LRCH3: variants seen among roughly 807,000 people sequenced by gnomAD.
LRCH3 encodes leucine rich repeats and calponin homology domain containing 3, also known as DISP complex protein LRCH3.
A neutral mutation model predicts 104.5 loss-of-function variants in LRCH3; 68 were observed. The ratio of observed to expected loss-of-function variants is 0.65; its 90% CI spans 0.54 to 0.80. The LOEUF is 0.80. LRCH3 is among the 30% of genes least tolerant of loss of function. The pLI is 0.00. For synonymous variants in LRCH3, 344 were observed against 361.3 expected (o/e 0.95, Z 0.54); for missense variants, 951 against 953.9 (o/e 1.00, Z 0.04).
At position 197,829,665 on chromosome 3, in the gene LRCH3, TG is replaced by T; in HGVS notation, c.881del (p.Gly294AlafsTer46). 1 of 1,608,026 alleles carries T rather than the reference TG, an allele frequency of 6.2e-7. No individual in the cohort carries two copies. Among genetic ancestry groups the T allele is most frequent in the Non-Finnish European group, 8.5e-7 (1 of 1,176,032 alleles). On this transcript the variant is annotated frameshift_variant, in exon 6 of 21. Transcript: ENST00000425562. LOFTEE classifies it high-confidence loss of function. Reference protein sequence around the residue: ...PDYDRRPLGFGSCHEELYSSR... With the variant: ...PDYDRRPLGFXSCHEELYSSR... ...ATTATGATAGGAGACCGTTGGGTTT[TG>T]GCTCCTGGTAAGTATATTCTGTCCC... is the stretch of plus-strand genomic sequence containing the variant.
At position 197,856,570 on chromosome 3, in the gene LRCH3, A is replaced by G. The variant is rs1489004183; in HGVS notation, c.1644+2125A>G. Among the ~76,000 whole-genome samples the G allele has an allele frequency of 3.3e-5, 5 of 151,948 alleles. No homozygotes were observed. In the East Asian group the frequency reaches 7.7e-4, roughly 24 times the overall value. On this transcript the variant is annotated intron_variant, in intron 14 of 20. Transcript: ENST00000425562. This position sits in a 1 kb window ranked among gnomAD's most constrained non-coding sequence, Gnocchi z 4.2. Reference sequence around the variant, plus strand: ...GTGGCTAATTTTTTTATTTTTTTGTAGAGTCAGGGTCTCACTGTGTTGCCC... The same window carrying G: ...GTGGCTAATTTTTTTATTTTTTTGTGGAGTCAGGGTCTCACTGTGTTGCCC...
intron 3 of LRCH3, among the ~76,000 whole-genome samples, chr3:197,819,920 C>T (rs540787668): frequency 9.9e-5 from 15 of 152,156 alleles, no homozygotes; most frequent in African/African-American, 3.6e-4. Flanking sequence ...ATGTTGCCCA[C>T]GCTGGTCTGA....
At chr3:197,802,077 A>T (rs1489911120) in intron 1 of LRCH3, among the ~76,000 whole-genome samples, 1 of 152,180 alleles carries the variant, frequency 6.6e-6, no homozygotes, top group Non-Finnish European at 1.5e-5. Flanking sequence ...TCGTGCTTCC[A>T]GTTTCTCAGA....
chr3:197,813,634 G>A (rs540663541), intron 1 of LRCH3, among the ~76,000 whole-genome samples: 7 of 134,932 alleles, frequency 5.2e-5, no homozygotes, highest in East Asian at 4.9e-4. Flanking sequence ...AGGTTCAAGC[G>A]ATTCTCCTGC....
At chr3:197,875,309 A>G (rs192681634) in intron 19 of LRCH3, among the ~76,000 whole-genome samples, 152 of 152,332 alleles carry the variant, frequency 1.0e-3, no homozygotes, top group African/African-American at 3.5e-3. Context: ...CCCCTAGTCT[A>G]CAGCATTGAG....
At chr3:197,828,408 C>G (rs985600039) in intron 5 of LRCH3, among the ~76,000 whole-genome samples, 2 of 151,940 alleles carry the variant, frequency 1.3e-5, no homozygotes, top group Non-Finnish European at 2.9e-5. Flanking sequence ...TGCAGTGGCG[C>G]GATCTCGGCT....
At chr3:197,841,659 G>A (rs766332607) in intron 10 of LRCH3, among the ~76,000 whole-genome samples, 1 of 152,072 alleles carries the variant, frequency 6.6e-6, no homozygotes, top group Non-Finnish European at 1.5e-5. Context: ...ACTTCTTTTT[G>A]AAGGTCTGTG....
chr3:197,862,229 C>G (rs926700528), intron 15 of LRCH3, among the ~76,000 whole-genome samples: 1 of 152,212 alleles, frequency 6.6e-6, no homozygotes, highest in South Asian at 2.1e-4. Flanking sequence ...CTCCTGACCT[C>G]AGGCAATCTG....
chr3:197,854,881 C>T lies in LRCH3; in HGVS notation c.1644+436C>T, dbSNP rs1165625593. On this transcript the variant is annotated intron_variant, in intron 14 of 20. Coordinates refer to ENST00000425562, the MANE Select transcript of LRCH3 (RefSeq NM_001365715.1). This position sits in a 1 kb window ranked among gnomAD's most constrained non-coding sequence, Gnocchi z 4.5. The stretch of plus-strand genomic sequence containing the variant: ...ATTTTCAGCTACTGAAAATCCTTCA[C>T]TTTGGTTTTAAATACTTACAGCTCA... 6.6e-6 allele frequency among the ~76,000 whole-genome samples: 1 copy of T among 152,180 alleles called. No homozygotes were observed. The highest frequency in any genetic ancestry group is 2.4e-5 in the African/African-American group (1 of 41,438).
chr3:197,880,432 T>A (rs1276838020), intron 20 of LRCH3: 2 of 1,058,416 alleles, frequency 1.9e-6, no homozygotes, highest in Non-Finnish European at 2.8e-6. Context: ...GATGATCATA[T>A]GAATTCTATA....
intron 17 of LRCH3, among the ~76,000 whole-genome samples, 189 bp downstream of exon 17, chr3:197,866,408 A>G (rs1343630983): frequency 6.6e-6 from 1 of 152,234 alleles, no homozygotes; most frequent in East Asian, 1.9e-4. Context: ...TGGATGAGAA[A>G]GTTTCTTAGT....
intron 1 of LRCH3, among the ~76,000 whole-genome samples, chr3:197,794,758 A>G (rs1460972919): frequency 1.3e-5 from 2 of 152,240 alleles, no homozygotes; most frequent in Non-Finnish European, 2.9e-5. Context: ...TAATCCCAGC[A>G]CTTTGGGAGG....
At chr3:197,807,423 G>T (rs570259693) in intron 1 of LRCH3, among the ~76,000 whole-genome samples, 1 of 151,786 alleles carries the variant, frequency 6.6e-6, no homozygotes, top group Non-Finnish European at 1.5e-5. Flanking sequence ...GGGTTTCACC[G>T]GGTTAGCCAG....
In LRCH3 at chr3:197,854,403, A is replaced by G; in HGVS notation, c.1602A>G (p.Pro534=). The change falls in exon 14 of 21, where the codon CCA becomes CCG. Residue 534 remains proline, a synonymous_variant. Coordinates refer to ENST00000425562, the MANE Select transcript of LRCH3 (RefSeq NM_001365715.1). This position sits in a 1 kb window ranked among gnomAD's most constrained non-coding sequence, Gnocchi z 4.5. ...CTCCATCTCTCCAGTGCCCCTTCCC[A>G]TCCAGAAGGTCTCAGCACACTGATG... is the stretch of plus-strand genomic sequence containing the variant. ...LDGVDGECPF[P]SRRSQHTDDS... is the part of the protein sequence containing the mutation. The G allele has an allele frequency of 6.2e-7, 1 of 1,614,088 alleles. No individual in the cohort carries two copies. The highest frequency in any genetic ancestry group is 8.5e-7 in the Non-Finnish European group (1 of 1,179,958).
intron 19 of LRCH3, among the ~76,000 whole-genome samples, chr3:197,873,686 C>T (rs1560603083): frequency 6.6e-6 from 1 of 152,132 alleles, no homozygotes; most frequent in African/African-American, 2.4e-5. Flanking sequence ...GATCATGCCA[C>T]TGCACAACAA....
At chr3:197,821,399 T>C (rs1734474176) in intron 4 of LRCH3, among the ~76,000 whole-genome samples, 1 of 152,228 alleles carries the variant, frequency 6.6e-6, no homozygotes, top group Non-Finnish European at 1.5e-5. Context: ...GAAAGGAAGA[T>C]GAAAATGAGA....
At chr3:197,881,299 G>C in intron 20 of LRCH3, 3 of 989,030 alleles carry the variant, frequency 3.0e-6, no homozygotes, top group Non-Finnish European at 3.6e-6. Context: ...ACGTTTCAAA[G>C]GTATTGGCCA....
Position 197,791,353 on chromosome 3 carries a change from C to T in LRCH3, c.75C>T (p.Leu25=). Residue 25 remains leucine, a synonymous_variant, in exon 1 of 21, where the codon CTC becomes CTT. Coordinates refer to ENST00000425562, the MANE Select transcript of LRCH3 (RefSeq NM_001365715.1). ...GCACGGTAGCGTCGGGAGGTAACCTCCCTGGTGTTCACTGCGGCCCAAGCT... is the reference window on the plus strand; with the variant it reads ...GCACGGTAGCGTCGGGAGGTAACCTTCCTGGTGTTCACTGCGGCCCAAGCT... ...YSGTVASGGN[L]PGVHCGPSSG... 2 of 1,606,308 alleles carry T rather than the reference C, an allele frequency of 1.2e-6. No homozygotes were observed. Among genetic ancestry groups the T allele is most frequent in the Admixed American group, 1.7e-5 (1 of 58,916 alleles).
intron 19 of LRCH3, among the ~76,000 whole-genome samples, chr3:197,875,079 C>T (rs865848671): frequency 4.0e-5 from 6 of 151,896 alleles, no homozygotes; most frequent in East Asian, 3.9e-4. Flanking sequence ...TACAGGTGCC[C>T]GCCACCACAC....
Sources: allele counts gnomAD v4.1 joint callset (sites outside exome capture counted in the v4.1 genomes callset), GRCh38; gene constraint gnomAD v4.1.1; non-coding constraint Gnocchi (gnomAD v3.1); transcripts MANE v1.5; gene names NCBI Gene and HGNC (gene_info 2026-07-23, HGNC 2026-07-21).